Variants in ATF1 observed in about 807,000 individuals in gnomAD.
The protein encoded by ATF1 is cyclic AMP-dependent transcription factor ATF-1.
ATF1 carries 16 observed loss-of-function variants against 34.7 expected under a neutral mutation model. That is an observed-to-expected ratio of 0.46 (90% confidence interval 0.31 to 0.70). The LOEUF (loss-of-function observed/expected upper bound fraction) is 0.70, where lower values mean the gene tolerates loss of function less well. Among genes scored for constraint, ATF1 ranks in the 30% least tolerant of loss-of-function variants. ATF1 has a pLI of 0.05. For synonymous variants in ATF1, 105 were observed against 113.1 expected (o/e 0.93, Z 0.46); for missense variants, 255 against 321.6 (o/e 0.79, Z 1.58).
intron 1 of ATF1, among the ~76,000 whole-genome samples, chr12:50,774,049 G>C (rs1262556008): frequency 6.6e-6 from 1 of 151,270 alleles, no homozygotes; most frequent in African/African-American, 2.4e-5. Flanking sequence ...TCTTTTTTTG[G>C]AGATGGAGTT....
intron 3 of ATF1, among the ~76,000 whole-genome samples, chr12:50,804,211 C>A (rs1941569669): frequency 6.6e-6 from 1 of 151,970 alleles, no homozygotes; most frequent in Non-Finnish European, 1.5e-5. Flanking sequence ...TGGTTAAAGA[C>A]ATACCACGAA....
intron 4 of ATF1, among the ~76,000 whole-genome samples, chr12:50,810,690 C>G (rs1219897604): frequency 1.3e-5 from 2 of 152,068 alleles, no homozygotes; most frequent in Non-Finnish European, 2.9e-5. Flanking sequence ...CATTTGTTAT[C>G]TCCCCCTCCA....
intron 4 of ATF1, 47 bp downstream of exon 4, chr12:50,809,636 C>G: frequency 2.0e-6 from 3 of 1,531,268 alleles, no homozygotes; most frequent in Non-Finnish European, 2.7e-6. Context: ...CAAAACCTGA[C>G]TTTTCTGTAG....
At chr12:50,810,310 C>T (rs1049864121) in intron 4 of ATF1, among the ~76,000 whole-genome samples, 3 of 150,804 alleles carry the variant, frequency 2.0e-5, no homozygotes, top group South Asian at 2.1e-4. Context: ...TTCCACCTCC[C>T]GGGTTCAAGT....
At position 50,814,401 on chromosome 12, in the gene ATF1, C is replaced by A. The variant is rs1294576471; in HGVS notation, c.633C>A (p.Asp211Glu). ...TLTSQTTKTD[D>E]PQLKREIRLM... ...CCTCTCAGACAACTAAGACAGATGACCCCCAATTGAAAAGAGAAATAAGGT... is the reference window on the plus strand; with the variant it reads ...CCTCTCAGACAACTAAGACAGATGAACCCCAATTGAAAAGAGAAATAAGGT... The change falls in exon 6 of 7, where the codon GAC becomes GAA. Residue 211 changes from aspartate to glutamate, a missense_variant. This residue lies in a region of ATF1 where 34 missense variants were observed against 70.8 expected (regional missense o/e 0.48). Transcript: ENST00000262053. 1 of 1,613,942 alleles carries A rather than the reference C, an allele frequency of 6.2e-7. No homozygotes were observed. Among genetic ancestry groups the A allele is most frequent in the Non-Finnish European group, 8.5e-7 (1 of 1,180,014 alleles).
rs112642419 is a variant in ATF1 at position 50,793,982 on chromosome 12, G to A, written c.94-1927G>A. Among the ~76,000 whole-genome samples, 67 of 151,622 alleles carry A rather than the reference G, an allele frequency of 4.4e-4. 2 individuals are homozygous for A. Among genetic ancestry groups the A allele is most frequent in the African/African-American group, 1.5e-3 (64 of 41,398 alleles). On this transcript the variant is annotated intron_variant, in intron 2 of 6. Transcript: ENST00000262053. ...TTTATTTTTTTTGAGCGGGAGCCTC[G>A]CTGTGTTGCCCAGGCTGGAGTGCAG...
At chr12:50,791,219 T>A (rs1457325843) in intron 2 of ATF1, among the ~76,000 whole-genome samples, 1 of 152,132 alleles carries the variant, frequency 6.6e-6, no homozygotes, top group Non-Finnish European at 1.5e-5. Context: ...GTTTGTTTAA[T>A]CTAGTCTTGG....
chr12:50,789,038 T>TA (rs1210683449), intron 2 of ATF1, among the ~76,000 whole-genome samples: 4 of 152,166 alleles, frequency 2.6e-5, no homozygotes, highest in African/African-American at 9.7e-5. Flanking sequence ...TAGCGACTGA[T>TA]ACGTAGTTCA....
chr12:50,809,203 G>A (rs547821756), intron 3 of ATF1, among the ~76,000 whole-genome samples: 34 of 151,884 alleles, frequency 2.2e-4, no homozygotes, highest in African/African-American at 7.2e-4. Context: ...GTGAAACCCC[G>A]TGTCTACTGA....
intron 3 of ATF1, among the ~76,000 whole-genome samples, chr12:50,796,213 G>A (rs2139671814): frequency 1.3e-5 from 2 of 151,900 alleles, no homozygotes; most frequent in South Asian, 4.2e-4. Flanking sequence ...TGGGCAACAT[G>A]GCAAGACCCT....
At chr12:50,801,720 T>C (rs1941514618) in intron 3 of ATF1, among the ~76,000 whole-genome samples, 2 of 152,120 alleles carry the variant, frequency 1.3e-5, no homozygotes, top group African/African-American at 4.8e-5. Flanking sequence ...ACAAAAAACA[T>C]ATGATCATCG....
chr12:50,811,232 C>T (rs1016813354), intron 4 of ATF1, among the ~76,000 whole-genome samples: 1 of 152,270 alleles, frequency 6.6e-6, no homozygotes, highest in East Asian at 1.9e-4. Context: ...TTTAGTTTCC[C>T]TTAACCTCCT....
At chr12:50,812,351 G>T (rs919974952) in intron 4 of ATF1, among the ~76,000 whole-genome samples, 45 of 152,126 alleles carry the variant, frequency 3.0e-4, no homozygotes, top group African/African-American at 8.7e-4. Context: ...ATAATGGGAA[G>T]GATGTGCACC....
At chr12:50,771,363 G>T (rs1940765673) in intron 1 of ATF1, among the ~76,000 whole-genome samples, 1 of 152,108 alleles carries the variant, frequency 6.6e-6, no homozygotes, top group African/African-American at 2.4e-5. Context: ...AGGAATACAG[G>T]ACAAGCTTAC....
At chr12:50,809,334 A>G in intron 3 of ATF1, 122 bp from the exon 4 acceptor site, 1 of 846,402 alleles carries the variant, frequency 1.2e-6, no homozygotes, top group Non-Finnish European at 1.7e-6. Context: ...TGATGGCGCC[A>G]CTGTACTCCA....
intron 2 of ATF1, among the ~76,000 whole-genome samples, chr12:50,784,877 T>TTTTA (rs747782113): frequency 4.8e-4 from 73 of 151,322 alleles, no homozygotes; most frequent in Admixed American, 3.2e-3. Context: ...GAGTTTTATT[T>TTTTA]TTTATTTATT....
At chr12:50,782,850 C>G (rs138783013) in intron 2 of ATF1, among the ~76,000 whole-genome samples, 192 of 152,004 alleles carry the variant, frequency 1.3e-3, no homozygotes, top group African/African-American at 4.5e-3. Context: ...CTGCCACGAC[C>G]AGCTAATTTG....
intron 6 of ATF1, among the ~76,000 whole-genome samples, chr12:50,819,290 A>G (rs538490876): frequency 2.4e-4 from 37 of 152,328 alleles, no homozygotes; most frequent in Non-Finnish European, 4.0e-4. Flanking sequence ...CAGAGTACAT[A>G]GTGTATGACA....
At chr12:50,803,934 C>T (rs1344958) in intron 3 of ATF1, among the ~76,000 whole-genome samples, 35,810 of 152,052 alleles carry the variant, frequency 0.24, 4,970 homozygotes, top group East Asian at 0.4. Flanking sequence ...GGTTGGTTAG[C>T]GCTTGGGAGA....
Sources: allele counts gnomAD v4.1 joint callset (sites outside exome capture counted in the v4.1 genomes callset), GRCh38; gene constraint gnomAD v4.1.1; regional missense constraint gnomAD v4.1.1; transcripts MANE v1.5; gene names NCBI Gene and HGNC (gene_info 2026-07-23, HGNC 2026-07-21).